RGS17: variants seen among roughly 807,000 people sequenced by gnomAD.
The protein encoded by RGS17 is regulator of G-protein signaling 17.
In RGS17, 12 loss-of-function variants were observed where a neutral mutation model predicts 25.5. That is an observed-to-expected ratio of 0.47 (90% CI 0.30 to 0.76). RGS17 has a LOEUF of 0.76. RGS17 is among the 30% of genes least tolerant of loss of function. The pLI is 0.07. For synonymous variants in RGS17, 71 were observed against 76.9 expected, an observed-to-expected ratio of 0.92 and a Z score of 0.40; for missense variants, 196 against 242.2, an observed-to-expected ratio of 0.81 and a Z score of 1.27.
intron 1 of RGS17, among the ~76,000 whole-genome samples, chr6:153,095,829 C>T (rs1418424001): frequency 6.6e-6 from 1 of 152,124 alleles, no homozygotes; most frequent in Non-Finnish European, 1.5e-5. Context: ...TACTTAGGAT[C>T]CAAATTGTTT....
intron 1 of RGS17, among the ~76,000 whole-genome samples, chr6:153,106,340 G>A (rs1031579239): frequency 2.0e-5 from 3 of 151,922 alleles, no homozygotes; most frequent in African/African-American, 7.3e-5. Flanking sequence ...TTAGAAAAGT[G>A]AAGGGAAGCA....
intron 1 of RGS17, among the ~76,000 whole-genome samples, chr6:153,072,568 G>A (rs1387658009): frequency 6.6e-6 from 1 of 152,156 alleles, no homozygotes; most frequent in Non-Finnish European, 1.5e-5. Flanking sequence ...ATTTAAGACT[G>A]GTATCTCCAG....
At chr6:153,110,252 C>G (rs1021434688) in intron 1 of RGS17, among the ~76,000 whole-genome samples, 1 of 152,188 alleles carries the variant, frequency 6.6e-6, no homozygotes, top group East Asian at 1.9e-4. Context: ...AGTCCACATT[C>G]AAAGAGATGT....
In RGS17 at chr6:153,006,806, A is replaced by C. The variant is rs1185628280; in HGVS notation, c.*4768T>G. On this transcript the variant is annotated 3_prime_UTR_variant, in exon 5 of 5. Coordinates refer to ENST00000206262, the MANE Select transcript of RGS17 (RefSeq NM_012419.5). ...TTTTATTTGTCATTTGCAGATGAGG[A>C]AATGAACTCAGAGAAGATAAATGAT... 6.6e-6 allele frequency: 1 copy of C among 152,250 alleles called. No homozygotes were observed. The highest frequency in any genetic ancestry group is 1.9e-4 in the East Asian group (1 of 5,204). The allele number at this position is 152,250 out of a possible 1,614,324, so 9.4% of individuals were successfully genotyped here. A position where few individuals can be genotyped will look rare whatever the true frequency, so the allele number is the denominator to read the frequency against.
chr6:153,020,953 A>C (rs1779242320), intron 4 of RGS17, among the ~76,000 whole-genome samples: 1 of 152,176 alleles, frequency 6.6e-6, no homozygotes, highest in Non-Finnish European at 1.5e-5. Flanking sequence ...CTATGCCATT[A>C]GGTAGAGAGG....
intron 1 of RGS17, among the ~76,000 whole-genome samples, chr6:153,067,733 C>T (rs1776730499): frequency 6.6e-6 from 1 of 152,146 alleles, no homozygotes; most frequent in Non-Finnish European, 1.5e-5. Context: ...GTCCATACTA[C>T]CCCAAACAAT....
intron 1 of RGS17, among the ~76,000 whole-genome samples, chr6:153,114,174 T>TA (rs1777512897): frequency 6.6e-6 from 1 of 151,910 alleles, no homozygotes; most frequent in South Asian, 2.1e-4. Flanking sequence ...GCAAAATAGA[T>TA]AGACTGCTAG....
At chr6:153,035,600 G>A (rs182166048) in intron 2 of RGS17, among the ~76,000 whole-genome samples, 108 of 152,320 alleles carry the variant, frequency 7.1e-4, no homozygotes, top group African/African-American at 2.5e-3. Context: ...GGGTAGCAAA[G>A]AAGTCAGCCT....
intron 1 of RGS17, among the ~76,000 whole-genome samples, chr6:153,045,058 T>A (rs1258190380): frequency 6.6e-6 from 1 of 152,232 alleles, no homozygotes; most frequent in Non-Finnish European, 1.5e-5. Flanking sequence ...TCAGGTTATT[T>A]TGGCATTATG....
chr6:153,043,621 T>A (rs1363397372), intron 2 of RGS17, among the ~76,000 whole-genome samples: 3 of 152,180 alleles, frequency 2.0e-5, no homozygotes, highest in African/African-American at 7.2e-5. Context: ...TTTACCCATA[T>A]CTTTAAGAAG....
At chr6:153,110,425 T>TACACACACACACACACCAC (rs1699571962) in intron 1 of RGS17, among the ~76,000 whole-genome samples, 1 of 144,840 alleles carries the variant, frequency 6.9e-6, no homozygotes, top group East Asian at 2.1e-4. Flanking sequence ...ACTGCCAACA[T>TACACACACACACACACCAC]ACACACACAC....
intron 1 of RGS17, among the ~76,000 whole-genome samples, chr6:153,046,193 G>T (rs1776381884): frequency 6.7e-6 from 1 of 149,952 alleles, no homozygotes; most frequent in Non-Finnish European, 1.5e-5. Flanking sequence ...GGCTGGGAAG[G>T]GTAGGAGTAA....
intron 1 of RGS17, among the ~76,000 whole-genome samples, chr6:153,054,842 G>A (rs1159152432): frequency 1.3e-5 from 2 of 151,954 alleles, no homozygotes; most frequent in Non-Finnish European, 2.9e-5. Context: ...CCTACTCATT[G>A]ATTTCCTTTG....
intron 4 of RGS17, among the ~76,000 whole-genome samples, chr6:153,022,834 G>A (rs568090151): frequency 1.3e-5 from 2 of 152,224 alleles, no homozygotes; most frequent in East Asian, 1.9e-4. Flanking sequence ...GAATTATACC[G>A]GTGTTAGAAA....
chr6:153,017,505 C>T (rs1038694386), intron 4 of RGS17, among the ~76,000 whole-genome samples: 1 of 152,042 alleles, frequency 6.6e-6, no homozygotes, highest in African/African-American at 2.4e-5. Context: ...ATTTCCTATT[C>T]ATTGAAGGAG....
intron 1 of RGS17, among the ~76,000 whole-genome samples, chr6:153,119,707 C>T (rs1411659099): frequency 1.3e-5 from 2 of 151,972 alleles, no homozygotes; most frequent in Non-Finnish European, 2.9e-5. Context: ...AAAGAAAAAA[C>T]GGTTATTTCC....
intron 1 of RGS17, among the ~76,000 whole-genome samples, chr6:153,092,058 C>T (rs561539148): frequency 6.6e-6 from 1 of 152,194 alleles, no homozygotes; most frequent in East Asian, 1.9e-4. Context: ...TCGATATTTA[C>T]CACTATATTT....
intron 1 of RGS17, among the ~76,000 whole-genome samples, chr6:153,054,132 A>G (rs1776520167): frequency 7.7e-6 from 1 of 130,588 alleles, no homozygotes; most frequent in Non-Finnish European, 1.6e-5. Context: ...ATATATATAT[A>G]CAGCTTTATA....
intron 1 of RGS17, among the ~76,000 whole-genome samples, chr6:153,127,395 G>A (rs1280404306): frequency 1.3e-5 from 2 of 152,316 alleles, no homozygotes; most frequent in South Asian, 4.1e-4. Flanking sequence ...TTTAGGTATT[G>A]AGATAATTAT....
Sources: allele counts gnomAD v4.1 joint callset (sites outside exome capture counted in the v4.1 genomes callset), GRCh38; gene constraint gnomAD v4.1.1; transcripts MANE v1.5; gene names NCBI Gene and HGNC (gene_info 2026-07-23, HGNC 2026-07-21).